Variants in SPATA17 observed in about 807,000 individuals in gnomAD.
SPATA17 encodes the protein spermatogenesis-associated protein 17.
Under a neutral mutation model 62.2 loss-of-function variants are expected in SPATA17, and 53 were observed. That is an observed-to-expected ratio of 0.85 (90% confidence interval 0.68 to 1.07). The LOEUF (loss-of-function observed/expected upper bound fraction) is 1.07, where lower values mean the gene tolerates loss of function less well. Among genes scored for constraint, SPATA17 ranks in the 50% least tolerant of loss-of-function variants. The pLI, the probability that SPATA17 is intolerant of heterozygous loss-of-function variation, is 0.00. For synonymous variants in SPATA17, 146 were observed against 146.8 expected (o/e 0.99, Z 0.04); for missense variants, 466 against 425.5 (o/e 1.10, Z -0.84).
At position 217,631,371 on chromosome 1, in the gene SPATA17, A is replaced by G. The variant is rs775495074; in HGVS notation, c.-8A>G. 3 of 1,614,052 alleles carry G rather than the reference A, an allele frequency of 1.9e-6. No homozygotes were observed. Among genetic ancestry groups the G allele is most frequent in the Non-Finnish European group, 1.7e-6 (2 of 1,180,014 alleles). On this transcript the variant is annotated 5_prime_UTR_variant, in exon 1 of 11. Transcript: ENST00000366933. ...TAACACCAGTTGTAAACCCAAGGCCAAGAGACCATGGCCACGTTAGCCCGG... is the reference window on the plus strand; with the variant it reads ...TAACACCAGTTGTAAACCCAAGGCCGAGAGACCATGGCCACGTTAGCCCGG...
chr1:217,836,312 A>G (rs1466664169), intron 9 of SPATA17, among the ~76,000 whole-genome samples: 1 of 152,138 alleles, frequency 6.6e-6, no homozygotes, highest in Admixed American at 6.6e-5. Context: ...TTTTTCTTCC[A>G]TCTGAAGTTA....
chr1:217,860,965 T>G (rs558912045), intron 9 of SPATA17, among the ~76,000 whole-genome samples: 5 of 152,158 alleles, frequency 3.3e-5, no homozygotes, highest in Non-Finnish European at 7.4e-5. Flanking sequence ...TTTCTTTCAC[T>G]CAGCATATCA....
chr1:217,635,507 C>A (rs1287312551), intron 1 of SPATA17, among the ~76,000 whole-genome samples: 1 of 152,014 alleles, frequency 6.6e-6, no homozygotes, highest in African/African-American at 2.4e-5. Context: ...AGTTCCAGAC[C>A]AGCCTGTCCA....
At chr1:217,680,600 T>TATTTTGCTATACTACAAG (rs1305057310) in intron 4 of SPATA17, among the ~76,000 whole-genome samples, 1 of 152,150 alleles carries the variant, frequency 6.6e-6, no homozygotes, top group Non-Finnish European at 1.5e-5. Context: ...TTTTGTTACA[T>TATTTTGCTATACTACAAG]TAGTTTGCTA....
At chr1:217,741,896 A>G in intron 5 of SPATA17, 79 bp from the exon 6 acceptor site, 1 of 1,560,080 alleles carries the variant, frequency 6.4e-7, no homozygotes, top group Admixed American at 1.8e-5. Context: ...GCCCCTCAAA[A>G]AAACTGATTT....
intron 1 of SPATA17, among the ~76,000 whole-genome samples, chr1:217,635,241 G>A (rs563500490): frequency 7.9e-5 from 12 of 152,162 alleles, no homozygotes; most frequent in African/African-American, 2.9e-4. Context: ...CAAGGTTAAG[G>A]ATGCACCCAT....
At chr1:217,811,646 T>C (rs1674590483) in intron 9 of SPATA17, among the ~76,000 whole-genome samples, 1 of 151,094 alleles carries the variant, frequency 6.6e-6, no homozygotes, top group African/African-American at 2.4e-5. Context: ...TGAACAGAAA[T>C]TGTGCCATTG....
chr1:217,788,985 C>T (rs543148748), intron 8 of SPATA17, among the ~76,000 whole-genome samples: 12 of 151,966 alleles, frequency 7.9e-5, no homozygotes, highest in Non-Finnish European at 1.5e-4. Flanking sequence ...TCCTCAAATC[C>T]CTAGGGATTC....
intron 5 of SPATA17, among the ~76,000 whole-genome samples, chr1:217,724,987 C>A (rs1672229646): frequency 6.6e-6 from 1 of 152,022 alleles, no homozygotes; most frequent in Admixed American, 6.6e-5. Context: ...CCTTTCAGTT[C>A]TTTATATGGT....
chr1:217,770,989 T>A (rs1349757807), intron 6 of SPATA17, among the ~76,000 whole-genome samples: 8 of 122,538 alleles, frequency 6.5e-5, no homozygotes, highest in Admixed American at 2.6e-4. Context: ...TTTTTTTTTT[T>A]TTTTTTTTTT....
At chr1:217,842,728 G>A (rs1675438649) in intron 9 of SPATA17, among the ~76,000 whole-genome samples, 1 of 151,924 alleles carries the variant, frequency 6.6e-6, no homozygotes, top group East Asian at 1.9e-4. Context: ...CGCTTTGTTA[G>A]TTTTTTCATG....
At chr1:217,645,942 C>T (rs1670170963) in intron 1 of SPATA17, among the ~76,000 whole-genome samples, 1 of 152,128 alleles carries the variant, frequency 6.6e-6, no homozygotes, top group Non-Finnish European at 1.5e-5. Context: ...TGACACTGCA[C>T]TATACTTGTA....
intron 5 of SPATA17, among the ~76,000 whole-genome samples, chr1:217,714,544 G>A (rs1016754749): frequency 4.3e-5 from 6 of 140,332 alleles, no homozygotes; most frequent in African/African-American, 1.6e-4. Context: ...GAGTGCAGTG[G>A]CACAATCTTG....
chr1:217,749,978 T>A (rs1273474759), intron 6 of SPATA17, among the ~76,000 whole-genome samples: 1 of 74,196 alleles, frequency 1.3e-5, no homozygotes, highest in Non-Finnish European at 2.9e-5. Context: ...TCTCTCTCTC[T>A]CTCTCTCTAT....
At chr1:217,808,273 A>T (rs919113853) in intron 9 of SPATA17, among the ~76,000 whole-genome samples, 2 of 151,882 alleles carry the variant, frequency 1.3e-5, no homozygotes, top group African/African-American at 4.8e-5. Context: ...CTGCATTTTA[A>T]CCTTCTTTAG....
intron 9 of SPATA17, among the ~76,000 whole-genome samples, chr1:217,812,470 A>G (rs1023044370): frequency 1.3e-5 from 2 of 152,194 alleles, no homozygotes; most frequent in African/African-American, 4.8e-5. Flanking sequence ...GAAAATCAAT[A>G]ATAGGATAAT....
chr1:217,716,028 C>T (rs1172292506), intron 5 of SPATA17, among the ~76,000 whole-genome samples: 1 of 152,140 alleles, frequency 6.6e-6, no homozygotes, highest in Non-Finnish European at 1.5e-5. Flanking sequence ...AACATAATCT[C>T]TCATCCTTAT....
At position 217,663,465 on chromosome 1, in the gene SPATA17, G is replaced by A. The variant is rs529333644; in HGVS notation, c.241-5568G>A. 1.6e-4 allele frequency among the ~76,000 whole-genome samples: 24 copies of A among 151,182 alleles called. No individual in the cohort carries two copies. The South Asian group carries it at 5.0e-3, about 32-fold the overall frequency. ...CATCTCAAAAAAAAAAAAAAGAACA[G>A]TTGATAATGACCAAATTGTTATCAA... is the stretch of plus-strand genomic sequence containing the variant. On this transcript the variant is annotated intron_variant, in intron 3 of 10. Transcript: ENST00000366933.
At chr1:217,662,620 A>G (rs1246195956) in intron 3 of SPATA17, among the ~76,000 whole-genome samples, 4 of 152,180 alleles carry the variant, frequency 2.6e-5, no homozygotes, top group Non-Finnish European at 5.9e-5. Context: ...TTAACTTTAA[A>G]TGGGAAAAAT....
Sources: allele counts gnomAD v4.1 joint callset (sites outside exome capture counted in the v4.1 genomes callset), GRCh38; gene constraint gnomAD v4.1.1; transcripts MANE v1.5; gene names NCBI Gene and HGNC (gene_info 2026-07-23, HGNC 2026-07-21).